The following CEACAM1 variants were observed in gnomAD, a reference collection of about 807,000 sequenced individuals.
CEACAM1 encodes the protein cell adhesion molecule CEACAM1.
CEACAM1 carries 31 observed loss-of-function variants against 49.1 expected under a neutral mutation model. That is an observed-to-expected ratio of 0.63 (90% CI 0.47 to 0.85). The LOEUF (loss-of-function observed/expected upper bound fraction) is 0.85. CEACAM1 is among the 40% of genes least tolerant of loss of function. The pLI is 0.00. For synonymous variants in CEACAM1, 244 were observed against 247.8 expected, an observed-to-expected ratio of 0.98 and a Z score of 0.14; for missense variants, 570 against 645.3, an observed-to-expected ratio of 0.88 and a Z score of 1.26.
intron 5 of CEACAM1, among the ~76,000 whole-genome samples, chr19:42,514,645 C>G (rs578222427): frequency 6.6e-6 from 1 of 152,182 alleles, no homozygotes; most frequent in Non-Finnish European, 1.5e-5. Flanking sequence ...AGGCTGGTGA[C>G]TAATGCTATG....
chr19:42,521,105 AG>A, intron 4 of CEACAM1, 161 bp downstream of exon 4: 1 of 758,346 alleles, frequency 1.3e-6, no homozygotes, highest in Non-Finnish European at 2.2e-6. Flanking sequence ...AACAAAGGGA[AG>A]AGAGTCTGCA....
At chr19:42,522,898 A>G (rs996252562) in intron 2 of CEACAM1, among the ~76,000 whole-genome samples, 5 of 152,194 alleles carry the variant, frequency 3.3e-5, no homozygotes, top group Non-Finnish European at 5.9e-5. Flanking sequence ...CTAAAAGCCC[A>G]TGGCAAGTGT....
chr19:42,511,073 G>T, intron 7 of CEACAM1, 153 bp from the exon 8 acceptor site: 1 of 691,722 alleles, frequency 1.4e-6, no homozygotes, highest in South Asian at 1.7e-5. Flanking sequence ...GACCCAGCAT[G>T]TTAGTACCAG....
At chr19:42,519,280 T>TTGGGGCC in intron 4 of CEACAM1, 45 bp from the exon 5 acceptor site, 3 of 1,597,946 alleles carry the variant, frequency 1.9e-6, no homozygotes, top group Non-Finnish European at 2.6e-6. Context: ...GAGAATAGGG[T>TTGGGGCC]TGGGGCCTGG....
intron 8 of CEACAM1, among the ~76,000 whole-genome samples, chr19:42,510,092 T>A (rs901293889): frequency 6.6e-5 from 10 of 152,086 alleles, no homozygotes; most frequent in Non-Finnish European, 8.8e-5. Flanking sequence ...AATGAAAACT[T>A]CTTTTTTTTT....
At chr19:42,516,511 T>G (rs1289377659) in intron 5 of CEACAM1, among the ~76,000 whole-genome samples, 1 of 152,044 alleles carries the variant, frequency 6.6e-6, no homozygotes, top group Non-Finnish European at 1.5e-5. Context: ...AGACATAAAT[T>G]GAAAAGACAC....
chr19:42,518,536 T>C (rs1254233164), intron 5 of CEACAM1: 1 of 179,410 alleles, frequency 5.6e-6, no homozygotes, highest in East Asian at 1.7e-4. Flanking sequence ...CTTGCTCTGT[T>C]GCCTAGACTG....
intron 7 of CEACAM1, chr19:42,511,301 G>A: frequency 1.7e-6 from 1 of 577,092 alleles, no homozygotes; most frequent in South Asian, 2.2e-5. Flanking sequence ...GGAGGCGGAA[G>A]GAGTAAGGCT....
In CEACAM1 at chr19:42,512,351, T is replaced by C. The variant is rs766630128; in HGVS notation, c.1375A>G (p.Arg459Gly). Reference protein sequence around the residue: ...ACFLHFGKTGRASDQRDLTEH... With the variant: ...ACFLHFGKTGGASDQRDLTEH... ...GAACAAGAGGAAAGGCCATCATACC[T>C]GCCGGTCTTCCCGAAATGCAGAAAA... is the stretch of plus-strand genomic sequence containing the variant. Residue 459 changes from arginine to glycine, a missense_variant and splice_region_variant, in exon 6 of 9, where the codon AGG becomes GGG. Coordinates refer to ENST00000161559, the MANE Select transcript of CEACAM1 (RefSeq NM_001712.5). 4 of 1,613,902 alleles carry C rather than the reference T, an allele frequency of 2.5e-6. No homozygotes were observed. The highest frequency in any genetic ancestry group is 3.4e-6 in the Non-Finnish European group (4 of 1,179,896).
At chr19:42,527,653 C>A (rs982520859) in intron 1 of CEACAM1, 5 of 461,540 alleles carry the variant, frequency 1.1e-5, no homozygotes, top group Non-Finnish European at 1.9e-5. Flanking sequence ...GCTCCCTCCC[C>A]ACTGCCCTCA....
intron 8 of CEACAM1, among the ~76,000 whole-genome samples, chr19:42,510,244 G>A (rs1454721005): frequency 6.6e-6 from 1 of 152,044 alleles, no homozygotes; most frequent in Non-Finnish European, 1.5e-5. Flanking sequence ...CGCCACCACA[G>A]CTGGCTAATT....
Position 42,528,368 on chromosome 19 carries a change from G to T in CEACAM1, c.7C>A (p.His3Asn), listed in dbSNP as rs1177676241. ...ACTCTGTGAAGTGGGGCTGAGAGGT[G>T]CCCCATGGTGTCTCCTGCTGGCCCT... MGHLSAPLHRVRV... is the reference protein window; with the variant it reads MGNLSAPLHRVRV... The change falls in exon 1 of 9, where the codon CAC becomes AAC. Residue 3 changes from histidine to asparagine, a missense_variant. Physicochemically the swap from His to Asn is moderately conservative, Grantham distance 68. Transcript: ENST00000161559. 6.2e-7 allele frequency: 1 copy of T among 1,613,840 alleles called. No homozygotes were observed. Among genetic ancestry groups the T allele is most frequent in the Admixed American group, 1.7e-5 (1 of 59,912 alleles).
rs997929042 is a variant in CEACAM1 at position 42,524,339 on chromosome 19, C to T, written c.425-2137G>A. 2.0e-5 allele frequency among the ~76,000 whole-genome samples: 3 copies of T among 152,340 alleles called. No homozygotes were observed. In the East Asian group the frequency reaches 5.8e-4, roughly 29 times the overall value. On this transcript the variant is annotated intron_variant, in intron 2 of 8. Coordinates refer to ENST00000161559, the MANE Select transcript of CEACAM1 (RefSeq NM_001712.5). ...ACCACTAGAGGATGTGAGCCCACAG[C>T]AGAACAGGGATGGAGTTAGGAGTCA...
chr19:42,510,906 T>TGGAGTGGTCGG lies in CEACAM1; in HGVS notation c.1443_1444insCCGACCACTCC (p.Asn482ProfsTer11). ...ATGCTTACCTTGTTAGGTGGGTCAT[T>TGGAGTGGTCGG]GGAGTGGTCCTGAGCTGGAGAAGCA... On this transcript the variant is annotated frameshift_variant, in exon 8 of 9. Coordinates refer to ENST00000161559, the MANE Select transcript of CEACAM1 (RefSeq NM_001712.5). LOFTEE classifies it low-confidence loss of function (END_TRUNC). The TGGAGTGGTCGG allele has an allele frequency of 6.2e-7, 1 of 1,614,076 alleles. No homozygotes were observed. The highest frequency in any genetic ancestry group is 8.5e-7 in the Non-Finnish European group (1 of 1,179,920).
chr19:42,525,403 T>TTTTTAGTAGAGATGGTG (rs1339090690), intron 2 of CEACAM1, among the ~76,000 whole-genome samples: 1 of 151,882 alleles, frequency 6.6e-6, no homozygotes, highest in East Asian at 1.9e-4. Context: ...TTTTTTTGTA[T>TTTTTAGTAGAGATGGTG]TTTTAGTAGA....
intron 5 of CEACAM1, among the ~76,000 whole-genome samples, chr19:42,517,194 G>T (rs1322062215): frequency 6.6e-6 from 1 of 152,122 alleles, no homozygotes; most frequent in African/African-American, 2.4e-5. Flanking sequence ...ATGCATAAAA[G>T]ACCTAAATGT....
intron 2 of CEACAM1, 35 bp from the exon 3 acceptor site, chr19:42,522,237 G>T: frequency 6.2e-7 from 1 of 1,611,832 alleles, no homozygotes. Context: ...TGCCCTGTGT[G>T]GCACCTTTGA....
At chr19:42,517,256 T>C (rs942930868) in intron 5 of CEACAM1, among the ~76,000 whole-genome samples, 14 of 152,232 alleles carry the variant, frequency 9.2e-5, no homozygotes, top group Admixed American at 7.9e-4. Flanking sequence ...CTTTGGAACA[T>C]TGAATTTGGC....
In CEACAM1 at chr19:42,527,131, C is replaced by T. The variant is rs201059984; in HGVS notation, c.334G>A (p.Val112Ile). The T allele has an allele frequency of 5.1e-5, 82 of 1,613,932 alleles. No homozygotes were observed. Among genetic ancestry groups the T allele is most frequent in the Non-Finnish European group, 6.3e-5 (74 of 1,180,018 alleles). Residue 112 changes from valine to isoleucine, a missense_variant, in exon 2 of 9, where the codon GTC (valine) becomes ATC (isoleucine). Val to Ile is a conservative substitution (Grantham distance 29). Coordinates refer to ENST00000161559, the MANE Select transcript of CEACAM1 (RefSeq NM_001712.5). Reference sequence around the variant, plus strand: ...TAGAATCCTGTGTCATTCTGGGTGACGTTCTGGATCAGCAGGGATGCATTG... The same window carrying T: ...TAGAATCCTGTGTCATTCTGGGTGATGTTCTGGATCAGCAGGGATGCATTG... ...YPNASLLIQN[V>I]TQNDTGFYTL...
Sources: gnomAD v4.1 joint callset for allele counts (sites outside exome capture counted in the v4.1 genomes callset) on GRCh38, gnomAD v4.1.1 for gene constraint, MANE v1.5 for transcripts, NCBI Gene and HGNC (gene_info 2026-07-23, HGNC 2026-07-21) for gene names.